Variants in PCSK6 observed in about 807,000 individuals in gnomAD.
PCSK6 encodes the protein proprotein convertase subtilisin/kexin type 6, also known as paired basic amino acid cleaving enzyme 4.
In PCSK6, 85 loss-of-function variants were observed where a neutral mutation model predicts 123.3. That is an observed-to-expected ratio of 0.69 (90% CI 0.58 to 0.83). The LOEUF (loss-of-function observed/expected upper bound fraction) is 0.83. PCSK6 is among the 40% of genes least tolerant of loss of function. The pLI, the probability that PCSK6 is intolerant of heterozygous loss-of-function variation, is 0.00. For missense variants in PCSK6, 1,191 were observed against 1,282.3 expected, an observed-to-expected ratio of 0.93 and a Z score of 1.09; for synonymous variants, 508 against 516.0, an observed-to-expected ratio of 0.98 and a Z score of 0.21.
intron 13 of PCSK6, among the ~76,000 whole-genome samples, chr15:101,352,137 A>ATTTTTTTTTTTT (rs56844456): frequency 1.0e-5 from 1 of 97,012 alleles, no homozygotes; most frequent in Non-Finnish European, 1.9e-5. Flanking sequence ...TATTTTTCTA[A>ATTTTTTTTTTTT]TTTTTTTTTT....
intron 1 of PCSK6, among the ~76,000 whole-genome samples, chr15:101,481,472 A>G (rs556090714): frequency 2.0e-5 from 3 of 152,196 alleles, no homozygotes; most frequent in Non-Finnish European, 4.4e-5. Flanking sequence ...GCCTGAAAGG[A>G]AGCAAAAGCA....
chr15:101,440,390 G>A (rs183913581), intron 2 of PCSK6, among the ~76,000 whole-genome samples: 6 of 152,354 alleles, frequency 3.9e-5, no homozygotes, highest in African/African-American at 1.2e-4. Context: ...ATAAGTGTGC[G>A]TGCACACACG....
At chr15:101,424,003 G>A (rs909552653) in intron 6 of PCSK6, among the ~76,000 whole-genome samples, 29 of 152,088 alleles carry the variant, frequency 1.9e-4, no homozygotes, top group African/African-American at 4.6e-4. Context: ...TGGGAGGATC[G>A]CTTGAGGCCA....
At chr15:101,435,434 G>T (rs1324947117) in intron 2 of PCSK6, among the ~76,000 whole-genome samples, 1 of 152,210 alleles carries the variant, frequency 6.6e-6, no homozygotes, top group African/African-American at 2.4e-5. Flanking sequence ...CAAAGGCAAG[G>T]TTTGCCAAAT....
At chr15:101,427,039 T>C (rs2056281390) in intron 6 of PCSK6, among the ~76,000 whole-genome samples, 1 of 152,196 alleles carries the variant, frequency 6.6e-6, no homozygotes, top group African/African-American at 2.4e-5. Flanking sequence ...GTCAGTGACA[T>C]GCACCTAGAG....
At chr15:101,455,063 A>G (rs2057143140) in intron 1 of PCSK6, among the ~76,000 whole-genome samples, 2 of 152,268 alleles carry the variant, frequency 1.3e-5, no homozygotes, top group African/African-American at 4.8e-5. Flanking sequence ...TGATGGTTGC[A>G]TAACAACGTG....
chr15:101,465,125 G>A (rs1027873187), intron 1 of PCSK6, among the ~76,000 whole-genome samples: 12 of 152,172 alleles, frequency 7.9e-5, no homozygotes, highest in African/African-American at 2.4e-4. Context: ...GACCAATGAC[G>A]GGGAGGCTGG....
chr15:101,422,989 A>G (rs992218878), intron 6 of PCSK6, among the ~76,000 whole-genome samples: 4 of 152,152 alleles, frequency 2.6e-5, no homozygotes, highest in African/African-American at 4.8e-5. Flanking sequence ...AATATCTACC[A>G]TACAATAAAA....
chr15:101,417,811 TA>T (rs931100983), intron 6 of PCSK6, among the ~76,000 whole-genome samples: 11 of 151,056 alleles, frequency 7.3e-5, no homozygotes, highest in African/African-American at 2.4e-4. Context: ...GGAACTCAAT[TA>T]AAAAAAACCT....
intron 18 of PCSK6, 71 bp downstream of exon 18, chr15:101,322,449 G>T (rs45438401): frequency 3.0e-4 from 317 of 1,052,118 alleles, no homozygotes; most frequent in Non-Finnish European, 4.5e-4. Context: ...ATGCACCAAC[G>T]TGGTAAATCC....
intron 2 of PCSK6, among the ~76,000 whole-genome samples, chr15:101,433,182 T>C (rs966431204): frequency 7.2e-5 from 11 of 152,182 alleles, no homozygotes; most frequent in Admixed American, 2.0e-4. Context: ...TGGACATCCA[T>C]GGCCTCAGGG....
At chr15:101,472,460 A>G (rs2057630659) in intron 1 of PCSK6, among the ~76,000 whole-genome samples, 1 of 152,254 alleles carries the variant, frequency 6.6e-6, no homozygotes, top group Non-Finnish European at 1.5e-5. Context: ...GAGACTTGCA[A>G]TCTAATTCAT....
At chr15:101,348,361 A>G (rs1567156479) in intron 13 of PCSK6, among the ~76,000 whole-genome samples, 1 of 152,258 alleles carries the variant, frequency 6.6e-6, no homozygotes, top group Non-Finnish European at 1.5e-5. Context: ...CAGTGGGGCC[A>G]GTGTGACATT....
rs1271758087 is a variant in PCSK6 at position 101,382,148 on chromosome 15, C to T, written c.1476G>A (p.Lys492=). Residue 492 remains lysine (K), a synonymous_variant, in exon 11 of 22, where the codon AAG becomes AAA. Coordinates refer to ENST00000611716, the MANE Select transcript of PCSK6 (RefSeq NM_002570.5). ...TGTGCTGCGATGGCACTGCTGTCCA[C>T]TTCTTTGCCTCCACAACGAGAGCTT... ...DAEALVVEAK[K]WTAVPSQHMC... is the part of the protein sequence containing the mutation. The T allele has an allele frequency of 6.2e-7, 1 of 1,613,014 alleles. No individual in the cohort carries two copies. Among genetic ancestry groups the T allele is most frequent in the South Asian group, 1.1e-5 (1 of 90,656 alleles).
At chr15:101,454,750 G>A (rs1051591272) in intron 1 of PCSK6, among the ~76,000 whole-genome samples, 1 of 152,068 alleles carries the variant, frequency 6.6e-6, no homozygotes, top group Non-Finnish European at 1.5e-5. Flanking sequence ...TTAGAGACCA[G>A]CCTGGCCAAC....
chr15:101,420,291 G>T (rs1450085422), intron 6 of PCSK6, among the ~76,000 whole-genome samples: 1 of 151,738 alleles, frequency 6.6e-6, no homozygotes, highest in Non-Finnish European at 1.5e-5. Context: ...TACAAAACAG[G>T]TTTACTATCT....
At chr15:101,467,241 C>G (rs1051037376) in intron 1 of PCSK6, among the ~76,000 whole-genome samples, 1 of 151,340 alleles carries the variant, frequency 6.6e-6, no homozygotes, top group African/African-American at 2.4e-5. Flanking sequence ...TGTGTACTAG[C>G]GGTCTTGTAT....
chr15:101,395,360 G>A lies in PCSK6; in HGVS notation c.997-1936C>T, dbSNP rs530407942. ...CATCCCTAATGAGCTCCCAGGGGACGCCAGTGCTGCTGGCTCTGGACCCCA... is the reference window on the plus strand; with the variant it reads ...CATCCCTAATGAGCTCCCAGGGGACACCAGTGCTGCTGGCTCTGGACCCCA... On this transcript the variant is annotated intron_variant, in intron 7 of 21. Coordinates refer to ENST00000611716, the MANE Select transcript of PCSK6 (RefSeq NM_002570.5). Among the ~76,000 whole-genome samples, 113 of 152,312 alleles carry A rather than the reference G, an allele frequency of 7.4e-4. No homozygotes were observed. The Middle Eastern group carries it at 0.02, about 28-fold the overall frequency.
At chr15:101,436,410 A>G (rs2056602955) in intron 2 of PCSK6, among the ~76,000 whole-genome samples, 1 of 152,224 alleles carries the variant, frequency 6.6e-6, no homozygotes, top group Non-Finnish European at 1.5e-5. Flanking sequence ...AGCCAACGCA[A>G]GGGAGACAGC....
Sources: allele counts gnomAD v4.1 joint callset (sites outside exome capture counted in the v4.1 genomes callset), GRCh38; gene constraint gnomAD v4.1.1; transcripts MANE v1.5; gene names NCBI Gene and HGNC (gene_info 2026-07-23, HGNC 2026-07-21).